ACTN4: variants seen among roughly 807,000 people sequenced by gnomAD.
ACTN4 encodes alpha-actinin-4.
In ACTN4, 18 loss-of-function variants were observed where a neutral mutation model predicts 114.2. The ratio of observed to expected loss-of-function variants is 0.16; its 90% CI spans 0.11 to 0.23. ACTN4 has a LOEUF of 0.23. ACTN4 is among the 10% of genes least tolerant of loss of function. The pLI is 1.00. For missense variants in ACTN4, 722 were observed against 1,262.9 expected, an observed-to-expected ratio of 0.57 and a Z score of 6.49; for synonymous variants, 515 against 506.3, an observed-to-expected ratio of 1.02 and a Z score of -0.23.
At chr19:38,677,530 T>C (rs1967417431) in intron 1 of ACTN4, among the ~76,000 whole-genome samples, 2 of 152,002 alleles carry the variant, frequency 1.3e-5, no homozygotes, top group Non-Finnish European at 2.9e-5. Context: ...GGATCACCCA[T>C]GGTCCATCCT....
At chr19:38,663,030 C>T (rs1976935954) in intron 1 of ACTN4, among the ~76,000 whole-genome samples, 1 of 152,078 alleles carries the variant, frequency 6.6e-6, no homozygotes, top group South Asian at 2.1e-4. Context: ...CTGCTTCAGC[C>T]TCCCAAGTAG....
At chr19:38,716,385 T>G (rs1200234431) in intron 9 of ACTN4, among the ~76,000 whole-genome samples, 1 of 152,270 alleles carries the variant, frequency 6.6e-6, no homozygotes, top group Non-Finnish European at 1.5e-5. Context: ...GCCTTGCCCT[T>G]GAGGCACTTA....
intron 17 of ACTN4, 79 bp downstream of exon 17, chr19:38,725,982 A>G: frequency 6.4e-7 from 1 of 1,553,288 alleles, no homozygotes; most frequent in South Asian, 1.1e-5. Flanking sequence ...GCCAGTGAGA[A>G]GATAGCTGTC....
chr19:38,695,860 G>C (rs1401789317), intron 1 of ACTN4, among the ~76,000 whole-genome samples: 2 of 152,042 alleles, frequency 1.3e-5, no homozygotes, highest in Non-Finnish European at 2.9e-5. Flanking sequence ...CCACCATGCT[G>C]ACCGCACTCT....
At chr19:38,670,490 AG>A (rs1967094525) in intron 1 of ACTN4, among the ~76,000 whole-genome samples, 1 of 152,070 alleles carries the variant, frequency 6.6e-6, no homozygotes, top group Admixed American at 6.5e-5. Flanking sequence ...ATGGTAGGTG[AG>A]GTGACAAAAT....
In ACTN4 at chr19:38,727,990, C is replaced by T. The variant is rs776008728; in HGVS notation, c.2382C>T (p.Leu794=). Residue 794 remains leucine, a synonymous_variant, in exon 19 of 21, where the codon CTC becomes CTT. Transcript: ENST00000252699. This position sits in a 1 kb window ranked among gnomAD's most constrained non-coding sequence, Gnocchi z 5.4. ...ALGPEEFKAC[L]ISLGYDVEND... Reference sequence around the variant, plus strand: ...GGCCCGAGGAGTTCAAGGCCTGCCTCATCAGCCTGGGCTACGACGTGGAGA... The same window carrying T: ...GGCCCGAGGAGTTCAAGGCCTGCCTTATCAGCCTGGGCTACGACGTGGAGA... 2.5e-6 allele frequency: 4 copies of T among 1,613,030 alleles called. No homozygotes were observed. In the East Asian group the frequency reaches 6.7e-5, roughly 27 times the overall value.
chr19:38,651,272 T>C (rs1976554389), intron 1 of ACTN4, among the ~76,000 whole-genome samples: 1 of 152,242 alleles, frequency 6.6e-6, no homozygotes, highest in African/African-American at 2.4e-5. Context: ...GTCTCACTTC[T>C]GCTTGGAAGC....
chr19:38,662,689 C>G (rs1048563198), intron 1 of ACTN4, among the ~76,000 whole-genome samples: 2 of 152,154 alleles, frequency 1.3e-5, no homozygotes, highest in Non-Finnish European at 2.9e-5. Flanking sequence ...TTGAGTCCTA[C>G]CCCACGTTTG....
chr19:38,713,430 G>C (rs2145047039), intron 8 of ACTN4, among the ~76,000 whole-genome samples: 1 of 152,304 alleles, frequency 6.6e-6, no homozygotes, highest in South Asian at 2.1e-4. Context: ...TGCAGCCCTG[G>C]CTGTGTTTTC....
Position 38,730,883 on chromosome 19 carries a change from G to C in ACTN4, c.*1451G>C. ...GAAGGTGGCCACCTCCATCCACTAA[G>C]GAAGAGAAGGAAGACAGTGGCTTGA... On this transcript the variant is annotated 3_prime_UTR_variant, in exon 21 of 21. Coordinates refer to ENST00000252699, the MANE Select transcript of ACTN4 (RefSeq NM_004924.6). 6.4e-7 allele frequency: 1 copy of C among 1,551,594 alleles called. No homozygotes were observed. The highest frequency in any genetic ancestry group is 2.4e-5 in the East Asian group (1 of 41,076).
chr19:38,658,277 T>TC (rs1011241313), intron 1 of ACTN4, among the ~76,000 whole-genome samples: 3 of 152,174 alleles, frequency 2.0e-5, no homozygotes, highest in Non-Finnish European at 2.9e-5. Flanking sequence ...GTGCTTTTTT[T>TC]CTCTAGGAGT....
chr19:38,698,355 G>A (rs960298124), intron 1 of ACTN4, among the ~76,000 whole-genome samples: 2 of 152,162 alleles, frequency 1.3e-5, no homozygotes, highest in Non-Finnish European at 2.9e-5. Context: ...CATGGTTCCC[G>A]CCCTGGGCTC....
Position 38,730,928 on chromosome 19 carries a change from A to C in ACTN4, c.*1496A>C. ...GCTTGAGGCAGGGAGCTCGCAGGAC[A>C]GAGCCTGAGCCACCCTGTCCCTCCC... On this transcript the variant is annotated 3_prime_UTR_variant, in exon 21 of 21. Coordinates refer to ENST00000252699, the MANE Select transcript of ACTN4 (RefSeq NM_004924.6). The C allele has an allele frequency of 1.3e-6, 2 of 1,550,530 alleles. No individual in the cohort carries two copies. The highest frequency in any genetic ancestry group is 4.9e-5 in the East Asian group (2 of 40,928).
At chr19:38,701,168 T>G in intron 3 of ACTN4, 47 bp downstream of exon 3, 1 of 1,611,688 alleles carries the variant, frequency 6.2e-7, no homozygotes, top group Non-Finnish European at 8.5e-7. Context: ...TTTCTGACCT[T>G]TAGGCTCTGA....
intron 11 of ACTN4, among the ~76,000 whole-genome samples, chr19:38,718,928 C>T (rs868787611): frequency 1.3e-5 from 2 of 152,216 alleles, no homozygotes; most frequent in Non-Finnish European, 2.9e-5. Context: ...AGCCAGTGCT[C>T]ACCCTCAGAC....
chr19:38,703,878 C>T (rs1968367088), intron 3 of ACTN4, among the ~76,000 whole-genome samples: 1 of 152,024 alleles, frequency 6.6e-6, no homozygotes, highest in Non-Finnish European at 1.5e-5. Context: ...ATGAGAAGGA[C>T]CAGCCAGTTG....
chr19:38,710,253 G>C lies in ACTN4; in HGVS notation c.734-4G>C. On this transcript the variant is annotated splice_polypyrimidine_tract_variant and splice_region_variant and intron_variant, in intron 7 of 20. Transcript: ENST00000252699. The stretch of plus-strand genomic sequence containing the variant: ...GCAGTTTAACCCTTGTTGTTCACTT[G>C]CAGACATCGTGAACACGGCCCGGCC... The C allele has an allele frequency of 1.9e-6, 3 of 1,614,066 alleles. No individual in the cohort carries two copies. Among genetic ancestry groups the C allele is most frequent in the Non-Finnish European group, 1.7e-6 (2 of 1,180,000 alleles).
At chr19:38,699,994 C>T (rs1433946934) in intron 1 of ACTN4, among the ~76,000 whole-genome samples, 3 of 152,148 alleles carry the variant, frequency 2.0e-5, no homozygotes, top group Non-Finnish European at 2.9e-5. Context: ...CTGCCACTTT[C>T]CTGTTCTGGG....
intron 1 of ACTN4, among the ~76,000 whole-genome samples, chr19:38,659,787 G>A (rs1342224786): frequency 6.6e-6 from 1 of 152,216 alleles, no homozygotes; most frequent in African/African-American, 2.4e-5. Flanking sequence ...CTCAAGCTCT[G>A]TGGGTTCAAT....
Sources: gnomAD v4.1 joint callset for allele counts (sites outside exome capture counted in the v4.1 genomes callset) on GRCh38, gnomAD v4.1.1 for gene constraint, Gnocchi (gnomAD v3.1) non-coding constraint, MANE v1.5 for transcripts, NCBI Gene and HGNC (gene_info 2026-07-23, HGNC 2026-07-21) for gene names.